The following COX18 variants were observed in gnomAD, a reference collection of about 807,000 sequenced individuals.
The protein encoded by COX18 is cytochrome c oxidase assembly protein COX18, mitochondrial.
COX18 carries 45 observed loss-of-function variants against 38.0 expected under a neutral mutation model. The observed-to-expected ratio is 1.18, with a 90% CI of 0.93 to 1.52. The LOEUF (loss-of-function observed/expected upper bound fraction) is 1.52, where lower values mean the gene tolerates loss of function less well. COX18 is among the 40% of genes most tolerant of loss of function. COX18 has a pLI of 0.00. For missense variants in COX18, 462 were observed against 423.8 expected, an observed-to-expected ratio of 1.09 and a Z score of -0.79; for synonymous variants, 177 against 169.8, an observed-to-expected ratio of 1.04 and a Z score of -0.33.
At chr4:73,065,474 T>C (rs1720404193) in intron 2 of COX18, 61 bp from the exon 3 acceptor site, 2 of 1,445,096 alleles carry the variant, frequency 1.4e-6, no homozygotes, top group African/African-American at 1.4e-5. Context: ...AATCGTGCTT[T>C]ATTTCCATAG....
chr4:73,065,172 CTTTTTTTTTTTTT>C, intron 3 of COX18, 65 bp downstream of exon 3: 4 of 689,738 alleles, frequency 5.8e-6, no homozygotes, highest in Non-Finnish European at 8.7e-6. Flanking sequence ...GAAAAGTATG[CTTTTTTTTTTTTT>C]TTTTTTTTTT....
intron 4 of COX18, among the ~76,000 whole-genome samples, chr4:73,062,314 T>G (rs963217159): frequency 6.6e-6 from 1 of 151,438 alleles, no homozygotes; most frequent in Non-Finnish European, 1.5e-5. Flanking sequence ...GCTATAATCA[T>G]GCCACTGCAC....
At chr4:73,064,977 A>G in intron 3 of COX18, 75 bp from the exon 4 acceptor site, 1 of 1,419,724 alleles carries the variant, frequency 7.0e-7, no homozygotes, top group Non-Finnish European at 9.8e-7. Flanking sequence ...ATAAATAAGT[A>G]GTCTGACAAT....
At chr4:73,058,767 GCCT>G (rs1465363294) in intron 5 of COX18, among the ~76,000 whole-genome samples, 3 of 152,092 alleles carry the variant, frequency 2.0e-5, no homozygotes. Flanking sequence ...CATTTTCTTT[GCCT>G]TCTTCTGAGA....
chr4:73,067,448 C>T lies in COX18; in HGVS notation c.434+581G>A, dbSNP rs556944391. 6.6e-5 allele frequency among the ~76,000 whole-genome samples: 10 copies of T among 152,212 alleles called. No individual in the cohort carries two copies. In the East Asian group the frequency reaches 7.7e-4, roughly 12 times the overall value. On this transcript the variant is annotated intron_variant, in intron 2 of 5. Coordinates refer to ENST00000507544, the MANE Select transcript of COX18 (RefSeq NM_001297732.2). ...TGTCTTTTTCAATAGGCTGGAATCCCTAAAGAATAGGAACATACTCTTCTT... is the reference window on the plus strand; with the variant it reads ...TGTCTTTTTCAATAGGCTGGAATCCTTAAAGAATAGGAACATACTCTTCTT...
At chr4:73,061,707 CAAAA>C (rs35931617) in intron 5 of COX18, 102 bp downstream of exon 5, 3,919 of 368,304 alleles carry the variant, frequency 0.011, no homozygotes, top group East Asian at 0.016. Flanking sequence ...GACTCCGTCT[CAAAA>C]AAAAAAAAAA....
chr4:73,069,478 G>T lies in COX18; in HGVS notation c.172C>A (p.Leu58Met). ...AVHANGWYEALAASSPVRVAE... is the reference protein window; with the variant it reads ...AVHANGWYEAMAASSPVRVAE... ...ACCCGCACCGGCGAAGACGCGGCCA[G>T]GGCCTCGTACCAGCCGTTCGCATGT... The change falls in exon 1 of 6, where the codon CTG becomes ATG. Residue 58 changes from leucine to methionine, a missense_variant. Transcript: ENST00000507544. 1.3e-6 allele frequency: 2 copies of T among 1,593,380 alleles called. No homozygotes were observed. Among genetic ancestry groups the T allele is most frequent in the East Asian group, 2.3e-5 (1 of 43,864 alleles).
At chr4:73,062,652 C>T (rs186984995) in intron 4 of COX18, among the ~76,000 whole-genome samples, 3 of 152,250 alleles carry the variant, frequency 2.0e-5, no homozygotes, top group Admixed American at 2.0e-4. Context: ...AATTAGGCAA[C>T]ATAGCGAAAC....
chr4:73,064,678 A>G, intron 4 of COX18, 100 bp downstream of exon 4: 1 of 1,367,860 alleles, frequency 7.3e-7, no homozygotes. Flanking sequence ...TCTAACTCAG[A>G]GCTATCTTCA....
intron 5 of COX18, 61 bp downstream of exon 5, chr4:73,061,752 G>T: frequency 1.1e-6 from 1 of 874,628 alleles, no homozygotes; most frequent in Non-Finnish European, 1.8e-6. Flanking sequence ...ATCCCAGCCA[G>T]TCTAAGCTAA....
rs1720177513 is a variant in COX18 at position 73,061,836 on chromosome 4, G to T, written c.808C>A (p.Pro270Thr). ...FVRAMSVLMI[P>T]IAATVPSSIV... ...ACTGAGGGTACCGTTGCAGCAATTG[G>T]TATCATCAACACCGACATTGCACGG... The change falls in exon 5 of 6, where the codon CCA (proline) becomes ACA (threonine). Residue 270 changes from proline (P) to threonine (T), a missense_variant. By Grantham distance (38) the Pro-to-Thr change is conservative. Coordinates refer to ENST00000507544, the MANE Select transcript of COX18 (RefSeq NM_001297732.2). 6.2e-7 allele frequency: 1 copy of T among 1,611,856 alleles called. No homozygotes were observed. Among genetic ancestry groups the T allele is most frequent in the Admixed American group, 1.7e-5 (1 of 59,984 alleles).
intron 2 of COX18, among the ~76,000 whole-genome samples, chr4:73,065,864 T>C (rs1265465852): frequency 6.6e-6 from 1 of 152,232 alleles, no homozygotes; most frequent in Non-Finnish European, 1.5e-5. Context: ...CCTGTCAAAA[T>C]AGTCTCCATT....
At chr4:73,059,917 AAAG>A (rs1289174830) in intron 5 of COX18, among the ~76,000 whole-genome samples, 1 of 152,202 alleles carries the variant, frequency 6.6e-6, no homozygotes, top group Non-Finnish European at 1.5e-5. Context: ...TAAAAAAAAA[AAAG>A]ACTATATTTC....
At position 73,064,911 on chromosome 4, in the gene COX18, G is replaced by A; in HGVS notation, c.599-9C>T. 2.5e-6 allele frequency: 4 copies of A among 1,611,740 alleles called. No homozygotes were observed. The highest frequency in any genetic ancestry group is 1.1e-5 in the South Asian group (1 of 90,742). On this transcript the variant is annotated splice_polypyrimidine_tract_variant and intron_variant, in intron 3 of 5. Transcript: ENST00000507544. ...CTGAACAGAAAAACCTGCTAAAACA[G>A]TTTTATAAATAAAACAATAGAAGTC...
intron 2 of COX18, among the ~76,000 whole-genome samples, chr4:73,066,011 CAAAAACT>C (rs1475372292): frequency 1.3e-5 from 2 of 152,132 alleles, no homozygotes; most frequent in Non-Finnish European, 2.9e-5. Flanking sequence ...AGTTAAAAAA[CAAAAACT>C]AAAGTATTCT....
At chr4:73,061,741 G>A (rs1287630566) in intron 5 of COX18, 72 bp downstream of exon 5, 3 of 769,782 alleles carry the variant, frequency 3.9e-6, no homozygotes, top group Non-Finnish European at 6.4e-6. Context: ...GAAGAGGCAG[G>A]ATCCCAGCCA....
Position 73,069,548 on chromosome 4 carries a change from C to T in COX18, c.102G>A (p.Lys34=), listed in dbSNP as rs1330401600. The change falls in exon 1 of 6, where the codon AAG becomes AAA. Residue 34 remains lysine, a synonymous_variant. Transcript: ENST00000507544. ...PLAPVPTSGA[K]RPTLPVWAVA... ...CTGCCCACACTGGGAGAGTGGGGCG[C>T]TTGGCGCCGCTCGTAGGAACCGGCG... 2 of 1,572,708 alleles carry T rather than the reference C, an allele frequency of 1.3e-6. No individual in the cohort carries two copies. Among genetic ancestry groups the T allele is most frequent in the Non-Finnish European group, 1.7e-6 (2 of 1,159,722 alleles).
At chr4:73,063,975 G>C (rs1720303413) in intron 4 of COX18, among the ~76,000 whole-genome samples, 1 of 152,178 alleles carries the variant, frequency 6.6e-6, no homozygotes, top group Non-Finnish European at 1.5e-5. Flanking sequence ...AAAGCAGCCT[G>C]TGATAAGGGT....
At chr4:73,064,689 C>G in intron 4 of COX18, 89 bp downstream of exon 4, 2 of 1,469,978 alleles carry the variant, frequency 1.4e-6, no homozygotes, top group Non-Finnish European at 1.9e-6. Flanking sequence ...GCTATCTTCA[C>G]CAACTCAAAC....
Sources: allele counts gnomAD v4.1 joint callset (sites outside exome capture counted in the v4.1 genomes callset), GRCh38; gene constraint gnomAD v4.1.1; transcripts MANE v1.5; gene names NCBI Gene and HGNC (gene_info 2026-07-23, HGNC 2026-07-21).